Variants in NEDD4L observed in about 807,000 individuals in gnomAD.
The protein encoded by NEDD4L is NEDD4 like E3 ubiquitin protein ligase, also known as E3 ubiquitin-protein ligase NEDD4-like.
A neutral mutation model predicts 148.9 loss-of-function variants in NEDD4L; 54 were observed. The ratio of observed to expected loss-of-function variants is 0.36; its 90% CI spans 0.29 to 0.45. The LOEUF (loss-of-function observed/expected upper bound fraction) is 0.45, where lower values mean the gene tolerates loss of function less well. Ranked by LOEUF, NEDD4L falls within the 20% of genes least tolerant of loss-of-function variation. NEDD4L has a pLI of 1.00. For missense variants in NEDD4L, 856 were observed against 1,233.8 expected (o/e 0.69, Z 4.59); for synonymous variants, 433 against 440.7 (o/e 0.98, Z 0.22).
Position 58,248,520 on chromosome 18 carries a change from G to A in NEDD4L, c.205-379G>A, listed in dbSNP as rs918068338. 2.6e-5 allele frequency among the ~76,000 whole-genome samples: 4 copies of A among 152,040 alleles called. No individual in the cohort carries two copies. In the South Asian group the frequency reaches 6.2e-4, roughly 24 times the overall value. On this transcript the variant is annotated intron_variant, in intron 3 of 30. Transcript: ENST00000400345. ...CATTCAACTTTCCCCCACCTGCTTC[G>A]TTACTCTGCAAAACAGATTTGTAGC... is the stretch of plus-strand genomic sequence containing the variant.
chr18:58,355,920 C>T (rs1415857091), intron 18 of NEDD4L, among the ~76,000 whole-genome samples: 1 of 151,850 alleles, frequency 6.6e-6, no homozygotes, highest in Non-Finnish European at 1.5e-5. Flanking sequence ...AGCTCACTTA[C>T]AGTGTATACA....
Position 58,060,741 on chromosome 18 carries a change from A to G in NEDD4L, c.48+16033A>G, listed in dbSNP as rs2082295515. 3.9e-5 allele frequency among the ~76,000 whole-genome samples: 6 copies of G among 152,266 alleles called. No homozygotes were observed. The South Asian group carries it at 1.0e-3, about 26-fold the overall frequency. Reference sequence around the variant, plus strand: ...TGTCTTGCACCCTTCCTTCTCCCCTAGGGGACATTTGGCAATGCCTGGAGA... The same window carrying G: ...TGTCTTGCACCCTTCCTTCTCCCCTGGGGGACATTTGGCAATGCCTGGAGA... On this transcript the variant is annotated intron_variant, in intron 1 of 30. Transcript: ENST00000400345.
intron 1 of NEDD4L, among the ~76,000 whole-genome samples, chr18:58,103,274 TTATA>T (rs2084878825): frequency 7.1e-6 from 1 of 140,590 alleles, no homozygotes; most frequent in African/African-American, 2.7e-5. Context: ...TATATTATAA[TTATA>T]TATAATATAT....
intron 2 of NEDD4L, among the ~76,000 whole-genome samples, chr18:58,233,568 C>T (rs2045521619): frequency 6.6e-6 from 1 of 152,204 alleles, no homozygotes; most frequent in Non-Finnish European, 1.5e-5. Flanking sequence ...ATAGGAGCTA[C>T]AATTTAAGAT....
chr18:58,246,506 C>T (rs2047278616), intron 3 of NEDD4L, among the ~76,000 whole-genome samples: 1 of 152,038 alleles, frequency 6.6e-6, no homozygotes, highest in African/African-American at 2.4e-5. Context: ...CTCTGTCCAC[C>T]CAAGCTGGAG....
chr18:58,173,235 C>A (rs2037718575), intron 2 of NEDD4L, among the ~76,000 whole-genome samples: 1 of 152,186 alleles, frequency 6.6e-6, no homozygotes, highest in African/African-American at 2.4e-5. Flanking sequence ...TAATTATGAT[C>A]AGTGGCTTCA....
chr18:58,074,154 A>T (rs1345452021), intron 1 of NEDD4L, among the ~76,000 whole-genome samples: 6 of 152,114 alleles, frequency 3.9e-5, no homozygotes, highest in Non-Finnish European at 2.9e-5. Context: ...CACTCATCTA[A>T]CAGGTGAGCT....
At chr18:58,161,970 G>A (rs1023251618) in intron 1 of NEDD4L, among the ~76,000 whole-genome samples, 4 of 152,094 alleles carry the variant, frequency 2.6e-5, no homozygotes, top group South Asian at 2.1e-4. Flanking sequence ...GTAGAAAAGG[G>A]ACACTTTTCT....
chr18:58,129,859 G>T (rs1408071157), intron 1 of NEDD4L, among the ~76,000 whole-genome samples: 2 of 149,378 alleles, frequency 1.3e-5, no homozygotes, highest in East Asian at 4.0e-4. Context: ...CTCTGTTGGG[G>T]TTTGGTTGAC....
chr18:58,174,016 C>T (rs1011781537), intron 2 of NEDD4L, among the ~76,000 whole-genome samples: 2 of 152,214 alleles, frequency 1.3e-5, no homozygotes, highest in Non-Finnish European at 2.9e-5. Flanking sequence ...TCTCACTCTA[C>T]CATGCTGGGG....
intron 1 of NEDD4L, among the ~76,000 whole-genome samples, chr18:58,163,999 G>A (rs147139553): frequency 4.2e-4 from 64 of 150,832 alleles, no homozygotes; most frequent in Admixed American, 2.9e-3. Flanking sequence ...TTCTTGCGCC[G>A]TCAGCCATTG....
intron 16 of NEDD4L, among the ~76,000 whole-genome samples, chr18:58,343,794 G>T (rs76828036): frequency 2.0e-5 from 3 of 152,276 alleles, no homozygotes; most frequent in South Asian, 2.1e-4. Flanking sequence ...TTGTATTTCT[G>T]TGTCAGTTCT....
At chr18:58,121,668 G>A (rs1226098912) in intron 1 of NEDD4L, among the ~76,000 whole-genome samples, 3 of 152,134 alleles carry the variant, frequency 2.0e-5, no homozygotes, top group African/African-American at 4.8e-5. Flanking sequence ...GTTGGCTTTC[G>A]AAAGTGCTGG....
chr18:58,137,349 C>T (rs139285294), intron 1 of NEDD4L, among the ~76,000 whole-genome samples: 17 of 152,314 alleles, frequency 1.1e-4, no homozygotes, highest in Non-Finnish European at 2.2e-4. Flanking sequence ...GGGCACCACT[C>T]GTAAGTCCAG....
chr18:58,114,694 G>T (rs1273411000), intron 1 of NEDD4L, among the ~76,000 whole-genome samples: 1 of 152,164 alleles, frequency 6.6e-6, no homozygotes, highest in South Asian at 2.1e-4. Flanking sequence ...GTAGGGTAGA[G>T]TCTAACATGG....
intron 2 of NEDD4L, among the ~76,000 whole-genome samples, chr18:58,174,318 A>C (rs2037853667): frequency 6.6e-6 from 1 of 152,076 alleles, no homozygotes. Flanking sequence ...TTGTTCAGAA[A>C]GAATCAATCA....
intron 8 of NEDD4L, among the ~76,000 whole-genome samples, chr18:58,324,711 C>T (rs1191052356): frequency 1.3e-5 from 2 of 152,208 alleles, no homozygotes; most frequent in Non-Finnish European, 2.9e-5. Flanking sequence ...AGTAGTGTCA[C>T]CGACTGTGCA....
intron 1 of NEDD4L, among the ~76,000 whole-genome samples, chr18:58,067,147 A>G (rs2082641275): frequency 6.6e-6 from 1 of 152,272 alleles, no homozygotes; most frequent in African/African-American, 2.4e-5. Flanking sequence ...AAAGAGAAGT[A>G]TAACAAAACT....
Position 58,245,446 on chromosome 18 carries a change from T to C in NEDD4L, c.142T>C (p.Ser48Pro). 6.4e-7 allele frequency: 1 copy of C among 1,565,598 alleles called. No individual in the cohort carries two copies. The highest frequency in any genetic ancestry group is 2.3e-5 in the East Asian group (1 of 44,112). The change falls in exon 3 of 31, where the codon TCA becomes CCA. Residue 48 changes from serine to proline, a missense_variant. Around this residue, in one of 4 missense-constraint regions of NEDD4L, gnomAD observed 193 missense variants for 244.2 expected, o/e 0.79. Coordinates refer to ENST00000400345, the MANE Select transcript of NEDD4L (RefSeq NM_001144967.3). ...TTACAGTGATCCGTATGTGAAACTTTCATTGTACGTAGCGGATGAGAATAG... is the reference window on the plus strand; with the variant it reads ...TTACAGTGATCCGTATGTGAAACTTCCATTGTACGTAGCGGATGAGAATAG... ...FGASDPYVKL[S>P]LYVADENREL... is the part of the protein sequence containing the mutation.
Sources: allele counts gnomAD v4.1 joint callset (sites outside exome capture counted in the v4.1 genomes callset), GRCh38; gene constraint gnomAD v4.1.1; regional missense constraint gnomAD v4.1.1; transcripts MANE v1.5; gene names NCBI Gene and HGNC (gene_info 2026-07-23, HGNC 2026-07-21).